TYW1B: variants seen among roughly 807,000 people sequenced by gnomAD.
The protein encoded by TYW1B is tRNA-yW synthesizing protein 1 homolog B, also known as S-adenosyl-L-methionine-dependent tRNA 4-demethylwyosine synthase TYW1B.
In TYW1B, 73 loss-of-function variants were observed where a neutral mutation model predicts 86.9. That is an observed-to-expected ratio of 0.84 (90% CI 0.70 to 1.02). The LOEUF (loss-of-function observed/expected upper bound fraction) is 1.02, where lower values mean the gene tolerates loss of function less well. TYW1B is among the 50% of genes least tolerant of loss of function. The pLI is 0.00. For missense variants in TYW1B, 637 were observed against 827.4 expected (o/e 0.77, Z 2.82); for synonymous variants, 248 against 292.8 (o/e 0.85, Z 1.56).
At chr7:72,586,133 C>T (rs1487862824) in intron 13 of TYW1B, among the ~76,000 whole-genome samples, 5 of 152,100 alleles carry the variant, frequency 3.3e-5, no homozygotes, top group Non-Finnish European at 5.9e-5. Context: ...TAACGCTAAC[C>T]GAGGGAACAG....
chr7:72,726,283 C>T (rs1360763823), intron 9 of TYW1B, among the ~76,000 whole-genome samples: 1 of 151,974 alleles, frequency 6.6e-6, no homozygotes, highest in Non-Finnish European at 1.5e-5. Flanking sequence ...AGTCAGCCTA[C>T]CTACAGATAT....
chr7:72,820,354 C>A (rs562443992), intron 2 of TYW1B, among the ~76,000 whole-genome samples: 1 of 152,064 alleles, frequency 6.6e-6, no homozygotes, highest in South Asian at 2.1e-4. Flanking sequence ...GAAACAAGAT[C>A]CTTTCAGGCA....
At chr7:72,580,871 G>C (rs1811136861) in intron 13 of TYW1B, among the ~76,000 whole-genome samples, 1 of 141,602 alleles carries the variant, frequency 7.1e-6, no homozygotes, top group South Asian at 2.4e-4. Context: ...TTCAGAAGCT[G>C]AACAGATGAT....
chr7:72,690,916 T>A (rs1814138949), intron 11 of TYW1B, among the ~76,000 whole-genome samples: 1 of 151,966 alleles, frequency 6.6e-6, no homozygotes, highest in Non-Finnish European at 1.5e-5. Flanking sequence ...CCTGGCTAAT[T>A]GTTTTTTTGT....
At chr7:72,625,121 T>C (rs1184638331) in intron 12 of TYW1B, among the ~76,000 whole-genome samples, 10 of 152,034 alleles carry the variant, frequency 6.6e-5, no homozygotes, top group African/African-American at 2.4e-4. Flanking sequence ...AATTATAAAA[T>C]CTCTCAGAGT....
chr7:72,793,772 T>C (rs1183864401), intron 6 of TYW1B, among the ~76,000 whole-genome samples: 1 of 143,994 alleles, frequency 6.9e-6, no homozygotes, highest in South Asian at 2.2e-4. Context: ...AAAAAAAAAA[T>C]GCTCCCGCAG....
chr7:72,821,133 A>G (rs1477437509), intron 2 of TYW1B, among the ~76,000 whole-genome samples: 3 of 152,084 alleles, frequency 2.0e-5, no homozygotes, highest in Non-Finnish European at 4.4e-5. Context: ...CCACCACACC[A>G]GGCTAATTTT....
At chr7:72,676,241 T>C (rs1563055642) in intron 11 of TYW1B, among the ~76,000 whole-genome samples, 1 of 152,176 alleles carries the variant, frequency 6.6e-6, no homozygotes, top group African/African-American at 2.4e-5. Context: ...TTTCCTCGTC[T>C]GTAAAACAAG....
intron 2 of TYW1B, among the ~76,000 whole-genome samples, chr7:72,817,530 A>C (rs1435754483): frequency 6.6e-6 from 1 of 152,146 alleles, no homozygotes; most frequent in Non-Finnish European, 1.5e-5. Flanking sequence ...CAATGTTGGA[A>C]GTGAGCTCGA....
At chr7:72,630,109 C>A (rs1449910671) in intron 11 of TYW1B, among the ~76,000 whole-genome samples, 1 of 151,782 alleles carries the variant, frequency 6.6e-6, no homozygotes, top group Non-Finnish European at 1.5e-5. Context: ...TGAAACCCCA[C>A]CTCTACTAAA....
At chr7:72,780,166 C>T (rs782411947) in intron 6 of TYW1B, among the ~76,000 whole-genome samples, 1 of 152,144 alleles carries the variant, frequency 6.6e-6, no homozygotes, top group South Asian at 2.1e-4. Flanking sequence ...GATGAGGTCT[C>T]GCTATGTCGC....
chr7:72,766,611 C>T (rs1787773991), intron 7 of TYW1B, among the ~76,000 whole-genome samples: 2 of 46,152 alleles, frequency 4.3e-5, no homozygotes, highest in South Asian at 9.7e-4. Context: ...GAGATTCAGT[C>T]TCAAAAAAAA....
intron 11 of TYW1B, among the ~76,000 whole-genome samples, chr7:72,660,759 C>T (rs1813308990): frequency 6.6e-6 from 1 of 152,030 alleles, no homozygotes; most frequent in Non-Finnish European, 1.5e-5. Context: ...AAAGGCAGAG[C>T]AGTAGAAGGT....
intron 13 of TYW1B, among the ~76,000 whole-genome samples, chr7:72,610,004 T>C (rs1189240797): frequency 1.3e-5 from 2 of 152,170 alleles, no homozygotes; most frequent in African/African-American, 4.8e-5. Flanking sequence ...AGGAGCGCAG[T>C]GACACTGGAC....
At chr7:72,597,529 T>C (rs1470229617) in intron 13 of TYW1B, among the ~76,000 whole-genome samples, 1 of 152,030 alleles carries the variant, frequency 6.6e-6, no homozygotes, top group East Asian at 1.9e-4. Context: ...ATGCTGGTTC[T>C]TTGTAAACAC....
rs113109533 is a variant in TYW1B at position 72,815,432 on chromosome 7, A to C, written c.185T>G (p.Val62Gly). 3.2e-3 allele frequency: 5,180 copies of C among 1,610,972 alleles called. 14 individuals carry two copies. Among genetic ancestry groups the C allele is most frequent in the Non-Finnish European group, 3.9e-3 (4,584 of 1,179,416 alleles). Residue 62 changes from valine (V) to glycine (G), a missense_variant, in exon 3 of 14, where the codon GTG becomes GGG. Transcript: ENST00000620995. Reference protein sequence around the residue: ...AEAVTSLDLPVAIINLKEYDP... With the variant: ...AEAVTSLDLPGAIINLKEYDP... ...ATATTCTTTTAGATTAATAATGGCC[A>C]CAGGCAGATCCAGGGACGTAACTGC...
intron 8 of TYW1B, among the ~76,000 whole-genome samples, chr7:72,740,189 C>T (rs1434790575): frequency 6.6e-6 from 1 of 151,686 alleles, no homozygotes; most frequent in African/African-American, 2.4e-5. Context: ...GCCGAGATTG[C>T]ACCACTGCAC....
chr7:72,652,303 G>A lies in TYW1B; in HGVS notation c.1507-23306C>T, dbSNP rs536645694. Among the ~76,000 whole-genome samples the A allele has an allele frequency of 2.1e-4, 31 of 149,654 alleles. No homozygotes were observed. In the South Asian group the frequency reaches 5.3e-3, roughly 26 times the overall value. On this transcript the variant is annotated intron_variant, in intron 11 of 13. Coordinates refer to ENST00000620995, the MANE Select transcript of TYW1B (RefSeq NM_001145440.3). ...TGAGGCAGGAGAATGGCATGAACCC[G>A]GGAGGCACAGCTTGCAGTGAGCCGA...
chr7:72,757,061 G>A (rs1455682695), intron 7 of TYW1B, among the ~76,000 whole-genome samples: 1 of 152,030 alleles, frequency 6.6e-6, no homozygotes, highest in African/African-American at 2.4e-5. Context: ...ATCTCCATGC[G>A]AAAATATGTA....
Sources: allele counts gnomAD v4.1 joint callset (sites outside exome capture counted in the v4.1 genomes callset), GRCh38; gene constraint gnomAD v4.1.1; transcripts MANE v1.5; gene names NCBI Gene and HGNC (gene_info 2026-07-23, HGNC 2026-07-21).